The following CSMD3 variants were observed in gnomAD, a reference collection of about 807,000 sequenced individuals.
CSMD3 encodes CUB and Sushi multiple domains 3.
CSMD3 carries 177 observed loss-of-function variants against 435.2 expected under a neutral mutation model. That is an observed-to-expected ratio of 0.41 (90% CI 0.36 to 0.46). The LOEUF (loss-of-function observed/expected upper bound fraction) is 0.46. CSMD3 is among the 20% of genes least tolerant of loss of function. The pLI is 0.34. For synonymous variants in CSMD3, 1,656 were observed against 1,520.5 expected (o/e 1.09, Z -2.07); for missense variants, 4,265 against 4,504.6 (o/e 0.95, Z 1.52).
chr8:112,424,090 G>A (rs1397481132), intron 32 of CSMD3, among the ~76,000 whole-genome samples: 4 of 152,108 alleles, frequency 2.6e-5, no homozygotes, highest in Admixed American at 2.6e-4. Flanking sequence ...CTATTCAAAG[G>A]GAAAATGGTT....
intron 2 of CSMD3, chr8:113,310,681 A>G (rs2093860877): frequency 6.6e-6 from 1 of 151,910 alleles, no homozygotes. Context: ...ATAGTTTTCT[A>G]GTTGTAATAA....
At chr8:112,936,162 C>G (rs1253696185) in intron 9 of CSMD3, among the ~76,000 whole-genome samples, 1 of 151,910 alleles carries the variant, frequency 6.6e-6, no homozygotes, top group East Asian at 1.9e-4. Flanking sequence ...CTTTATATTT[C>G]CCTTCTTTCT....
At chr8:112,888,491 G>A (rs1270198589) in intron 10 of CSMD3, among the ~76,000 whole-genome samples, 3 of 151,570 alleles carry the variant, frequency 2.0e-5, no homozygotes, top group Admixed American at 6.6e-5. Flanking sequence ...GCAGCAATGG[G>A]GAACAGGTGA....
chr8:112,929,320 A>G (rs910390230), intron 9 of CSMD3, among the ~76,000 whole-genome samples: 1 of 151,404 alleles, frequency 6.6e-6, no homozygotes, highest in African/African-American at 2.4e-5. Flanking sequence ...TGGCACATGT[A>G]TGCGTATGTA....
chr8:112,505,831 C>A (rs963885617), intron 29 of CSMD3, among the ~76,000 whole-genome samples: 2 of 151,986 alleles, frequency 1.3e-5, no homozygotes, highest in Non-Finnish European at 2.9e-5. Flanking sequence ...TATGTTAAGG[C>A]TCTTTAAAAT....
intron 16 of CSMD3, among the ~76,000 whole-genome samples, chr8:112,669,084 G>A (rs2075595108): frequency 6.6e-6 from 1 of 151,644 alleles, no homozygotes; most frequent in African/African-American, 2.4e-5. Flanking sequence ...CCAGGCTGGA[G>A]TGCAATTGCA....
intron 1 of CSMD3, among the ~76,000 whole-genome samples, chr8:113,381,938 GTTTAT>G (rs1382493161): frequency 2.0e-5 from 3 of 151,886 alleles, no homozygotes; most frequent in East Asian, 1.9e-4. Flanking sequence ...ATTTATATTT[GTTTAT>G]TTTATTTACA....
chr8:112,587,416 G>C (rs1830826251), intron 22 of CSMD3, among the ~76,000 whole-genome samples, 181 bp from the exon 23 acceptor site: 1 of 151,726 alleles, frequency 6.6e-6, no homozygotes, highest in South Asian at 2.1e-4. Flanking sequence ...ATGGGTGGAA[G>C]AGACTACAGC....
intron 11 of CSMD3, among the ~76,000 whole-genome samples, chr8:112,843,417 G>A (rs2080234748): frequency 6.6e-6 from 1 of 151,928 alleles, no homozygotes; most frequent in African/African-American, 2.4e-5. Context: ...GGGATAGGCA[G>A]AATACCTAAT....
intron 3 of CSMD3, among the ~76,000 whole-genome samples, chr8:113,232,714 C>T (rs562231069): frequency 1.3e-5 from 2 of 151,694 alleles, no homozygotes; most frequent in Non-Finnish European, 3.0e-5. Context: ...AATCAAATAC[C>T]TTGCCTTCAC....
intron 3 of CSMD3, among the ~76,000 whole-genome samples, chr8:113,175,882 T>C (rs1324744475): frequency 6.6e-6 from 1 of 152,048 alleles, no homozygotes; most frequent in African/African-American, 2.4e-5. Context: ...AGGAGAAAAG[T>C]GGTTTCCAAA....
At chr8:112,668,115 C>T (rs1378164181) in intron 16 of CSMD3, among the ~76,000 whole-genome samples, 2 of 152,046 alleles carry the variant, frequency 1.3e-5, no homozygotes, top group Non-Finnish European at 2.9e-5. Context: ...CTCATAAAAA[C>T]TAAGTTTTCT....
At chr8:112,643,992 T>A (rs929297495) in intron 20 of CSMD3, among the ~76,000 whole-genome samples, 6 of 151,762 alleles carry the variant, frequency 4.0e-5, no homozygotes, top group African/African-American at 1.4e-4. Context: ...TGTTTTGACT[T>A]TTTCTTTTTT....
At chr8:113,385,127 A>G (rs1230071417) in intron 1 of CSMD3, among the ~76,000 whole-genome samples, 1 of 152,110 alleles carries the variant, frequency 6.6e-6, no homozygotes, top group Non-Finnish European at 1.5e-5. Flanking sequence ...CCAGGAGTCA[A>G]TTTTCTGAAA....
intron 3 of CSMD3, among the ~76,000 whole-genome samples, chr8:113,272,947 G>C (rs2093540815): frequency 1.3e-5 from 2 of 151,838 alleles, no homozygotes; most frequent in Admixed American, 1.3e-4. Context: ...TAGCATAATA[G>C]GGATAATATA....
intron 35 of CSMD3, among the ~76,000 whole-genome samples, chr8:112,397,919 T>C (rs747951802): frequency 6.6e-6 from 1 of 152,208 alleles, no homozygotes; most frequent in Non-Finnish European, 1.5e-5. Context: ...ATAAGTCTAA[T>C]GTTCAAAGTC....
chr8:112,242,673 G>GAATA (rs1814281614), intron 65 of CSMD3, among the ~76,000 whole-genome samples: 1 of 152,036 alleles, frequency 6.6e-6, no homozygotes, highest in Non-Finnish European at 1.5e-5. Flanking sequence ...CTGAGATAGG[G>GAATA]AATACCAAAG....
rs75035418 is a variant in CSMD3 at position 112,300,960 on chromosome 8, A to G, written c.8440+833T>C. On this transcript the variant is annotated intron_variant, in intron 53 of 70. Coordinates refer to ENST00000297405, the MANE Select transcript of CSMD3 (RefSeq NM_198123.2). ...CACTGTACAAATTTTGCCGTACTCT[A>G]TTCATGATAATCAGCAATTTTTAAA... 5.4e-3 allele frequency among the ~76,000 whole-genome samples: 824 copies of G among 152,256 alleles called. 32 individuals carry two copies. In the East Asian group the frequency reaches 0.092, roughly 17 times the overall value.
In CSMD3 at chr8:113,055,446, C is replaced by G. The variant is rs548093567; in HGVS notation, c.918-36267G>C. ...AGTGTTTGAGTCCATTGTCCTGAGACTTAGTCATAGGAGACCTTCTTTTCT... is the reference window on the plus strand; with the variant it reads ...AGTGTTTGAGTCCATTGTCCTGAGAGTTAGTCATAGGAGACCTTCTTTTCT... On this transcript the variant is annotated intron_variant, in intron 5 of 70. Transcript: ENST00000297405. 1.4e-4 allele frequency among the ~76,000 whole-genome samples: 22 copies of G among 152,262 alleles called. 1 individual carries two copies. The highest frequency in any genetic ancestry group is 2.0e-4 in the Admixed American group (3 of 15,290).
Sources: allele counts gnomAD v4.1 joint callset (sites outside exome capture counted in the v4.1 genomes callset), GRCh38; gene constraint gnomAD v4.1.1; transcripts MANE v1.5; gene names NCBI Gene and HGNC (gene_info 2026-07-23, HGNC 2026-07-21).